HMCN2: variants seen among roughly 807,000 people sequenced by gnomAD.
HMCN2 encodes the protein hemicentin-2.
Under a neutral mutation model 377.5 loss-of-function variants are expected in HMCN2, and 325 were observed. The ratio of observed to expected loss-of-function variants is 0.86; its 90% CI spans 0.79 to 0.94. HMCN2 has a LOEUF of 0.94. Ranked by LOEUF, HMCN2 falls within the 40% of genes least tolerant of loss-of-function variation. The pLI, the probability that HMCN2 is intolerant of heterozygous loss-of-function variation, is 0.00. For synonymous variants in HMCN2, 2,007 were observed against 2,046.8 expected (o/e 0.98, Z 0.53); for missense variants, 4,543 against 4,725.3 (o/e 0.96, Z 1.13).
chr9:130,304,653 G>A lies in HMCN2; in HGVS notation c.1544-77G>A. The A allele has an allele frequency of 7.5e-6, 3 of 400,980 alleles. No homozygotes were observed. Among genetic ancestry groups the A allele is most frequent in the Non-Finnish European group, 1.6e-5 (3 of 191,822 alleles). The allele number at this position is 400,980 out of a possible 1,614,324, so 24.8% of individuals were successfully genotyped here. A position where few individuals can be genotyped will look rare whatever the true frequency, so the allele number is the denominator to read the frequency against. ...GCCTGCACCTCAGGGTGGGGTTCTG[G>A]GCAGCACCAGGGCTTGCACGATGAC... is the stretch of plus-strand genomic sequence containing the variant. On this transcript the variant is annotated intron_variant, in intron 10 of 97. Coordinates refer to ENST00000683500, the MANE Select transcript of HMCN2 (RefSeq NM_001291815.2). This position sits in a 1 kb window ranked among gnomAD's most constrained non-coding sequence, Gnocchi z 4.3.
At chr9:130,273,902 T>TAA (rs142064188) in intron 1 of HMCN2, among the ~76,000 whole-genome samples, 205 of 150,930 alleles carry the variant, frequency 1.4e-3, no homozygotes, top group African/African-American at 4.8e-3. Flanking sequence ...CTAATTTTAC[T>TAA]AAAAAAAAAT....
At chr9:130,420,286 G>C (rs1454251110) in intron 86 of HMCN2, among the ~76,000 whole-genome samples, 1 of 151,894 alleles carries the variant, frequency 6.6e-6, no homozygotes, top group Non-Finnish European at 1.5e-5. Flanking sequence ...GCGTTAGCCA[G>C]GATGGTGTCT....
chr9:130,268,156 C>T (rs1453747925), intron 1 of HMCN2, among the ~76,000 whole-genome samples: 2 of 152,078 alleles, frequency 1.3e-5, no homozygotes, highest in East Asian at 3.9e-4. Context: ...GTCCTGAAGC[C>T]CAGACCAGGG....
Position 130,431,347 on chromosome 9 carries a change from CA to C in HMCN2, c.14648-19del. On this transcript the variant is annotated intron_variant, in intron 95 of 97. Coordinates refer to ENST00000683500, the MANE Select transcript of HMCN2 (RefSeq NM_001291815.2). ...CTCTGCCCCCATCCCCCACCTGCCCCACCCCCATGCCCGGGCCAGACCTTGA... is the reference window on the plus strand; with the variant it reads ...CTCTGCCCCCATCCCCCACCTGCCCCCCCCCATGCCCGGGCCAGACCTTGA... 6.5e-7 allele frequency: 1 copy of C among 1,547,432 alleles called. No individual in the cohort carries two copies. Among genetic ancestry groups the C allele is most frequent in the Non-Finnish European group, 8.7e-7 (1 of 1,145,616 alleles).
In HMCN2 at chr9:130,433,839, T is replaced by G; in HGVS notation, c.*146T>G. The G allele has an allele frequency of 1.5e-6, 1 of 681,624 alleles. No individual in the cohort carries two copies. The highest frequency in any genetic ancestry group is 2.3e-6 in the Non-Finnish European group (1 of 442,552). The allele number at this position is 681,624 out of a possible 1,614,324, so 42.2% of individuals were successfully genotyped here. On this transcript the variant is annotated 3_prime_UTR_variant, in exon 98 of 98. Transcript: ENST00000683500. ...GCGAGACCTTGGGTCAACACGACCC[T>G]GCGCACAGCCTTGACCCCCGACAGC...
chr9:130,426,111 C>T (rs753082038), intron 90 of HMCN2, among the ~76,000 whole-genome samples, 187 bp downstream of exon 90: 1 of 152,186 alleles, frequency 6.6e-6, no homozygotes, highest in Non-Finnish European at 1.5e-5. Context: ...ATCCACCCCC[C>T]ACTCCTCACA....
chr9:130,300,563 A>G (rs954381776), intron 8 of HMCN2, among the ~76,000 whole-genome samples: 3 of 152,262 alleles, frequency 2.0e-5, no homozygotes, highest in African/African-American at 7.2e-5. Context: ...CCCAGCTCAC[A>G]GGGCTGCCGT....
Position 130,324,445 on chromosome 9 carries a change from C to G in HMCN2, c.2921-1150C>G, listed in dbSNP as rs1268408835. ...AGAGATTTCCCACATAACCCTGGCTCCCGCCACGCGCAGCCTTCTTCACTG... is the reference window on the plus strand; with the variant it reads ...AGAGATTTCCCACATAACCCTGGCTGCCGCCACGCGCAGCCTTCTTCACTG... On this transcript the variant is annotated intron_variant, in intron 19 of 97. Coordinates refer to ENST00000683500, the MANE Select transcript of HMCN2 (RefSeq NM_001291815.2). Among the ~76,000 whole-genome samples the G allele has an allele frequency of 2.6e-5, 4 of 152,204 alleles. No individual in the cohort carries two copies. In the East Asian group the frequency reaches 7.7e-4, roughly 29 times the overall value.
intron 90 of HMCN2, among the ~76,000 whole-genome samples, chr9:130,426,760 AT>A (rs71387349): frequency 0.04 from 5,698 of 143,424 alleles, 186 homozygotes; most frequent in African/African-American, 0.09. Flanking sequence ...ATTTTTTGTG[AT>A]TTTTTTTTTT....
At chr9:130,409,357 C>A (rs1002898908) in intron 84 of HMCN2, among the ~76,000 whole-genome samples, 4 of 152,176 alleles carry the variant, frequency 2.6e-5, no homozygotes, top group African/African-American at 4.8e-5. Context: ...GAGGCAGCGC[C>A]CCCACCCCCA....
rs1445367385 is a variant in HMCN2 at position 130,422,778 on chromosome 9, C to T, written c.13381+52C>T. ...CCTCTGGGTTATTGTCACAGCCCAGCGAGCATCCTCCAGAACATGCTGGAC... is the reference window on the plus strand; with the variant it reads ...CCTCTGGGTTATTGTCACAGCCCAGTGAGCATCCTCCAGAACATGCTGGAC... On this transcript the variant is annotated intron_variant, in intron 87 of 97. Transcript: ENST00000683500. The surrounding 1 kb of genome is among the most constrained non-coding windows in gnomAD (Gnocchi z 4.2). 2.4e-6 allele frequency: 3 copies of T among 1,240,206 alleles called. No homozygotes were observed. The highest frequency in any genetic ancestry group is 1.6e-5 in the African/African-American group (1 of 64,438). The allele number at this position is 1,240,206 out of a possible 1,614,324, so 76.8% of individuals were successfully genotyped here. A position where few individuals can be genotyped will look rare whatever the true frequency, so the allele number is the denominator to read the frequency against.
chr9:130,391,218 C>G lies in HMCN2; in HGVS notation c.9682C>G (p.Arg3228Gly), dbSNP rs1037089515. The G allele has an allele frequency of 1.0e-6, 1 of 987,774 alleles. No individual in the cohort carries two copies. Among genetic ancestry groups the G allele is most frequent in the Non-Finnish European group, 1.2e-6 (1 of 830,236 alleles). 61.2% of individuals were successfully genotyped at this position (987,774 alleles called of 1,614,324 possible). Residue 3228 changes from arginine to glycine, a missense_variant, in exon 64 of 98, where the codon CGG becomes GGG. Around this residue, in one of 5 missense-constraint regions of HMCN2, gnomAD observed 736 missense variants for 773.2 expected, o/e 0.95. Coordinates refer to ENST00000683500, the MANE Select transcript of HMCN2 (RefSeq NM_001291815.2). ...VVAVLVAPRI[R>G]SSGVAREHHV... The stretch of plus-strand genomic sequence containing the variant: ...CCCTGCCTCAGTGGCCCCCCGGATC[C>G]GGAGCTCGGGCGTGGCGCGGGAGCA...
intron 51 of HMCN2, among the ~76,000 whole-genome samples, chr9:130,376,310 C>T (rs1376295700): frequency 6.6e-6 from 1 of 152,206 alleles, no homozygotes; most frequent in Admixed American, 6.5e-5. Context: ...CCCAGAAATT[C>T]CCTTGCCTCA....
rs1394511582 is a variant in HMCN2, at chr9:130,414,639, T to G, written c.12961+3987T>G. ...TTTTTTTTTTTTTTTTAAGACAAGG[T>G]CTGACTCTGTTGCCCAGGCTGGAGT... On this transcript the variant is annotated intron_variant, in intron 85 of 97. Transcript: ENST00000683500. The surrounding 1 kb of genome is among the most constrained non-coding windows in gnomAD (Gnocchi z 4.4). Among the ~76,000 whole-genome samples the G allele has an allele frequency of 6.7e-6, 1 of 148,674 alleles. No homozygotes were observed. Among genetic ancestry groups the G allele is most frequent in the Non-Finnish European group, 1.5e-5 (1 of 67,304 alleles).
intron 59 of HMCN2, 103 bp downstream of exon 59, chr9:130,384,901 CAG>C (rs1841933423): frequency 4.0e-6 from 3 of 751,932 alleles, no homozygotes; most frequent in Non-Finnish European, 5.9e-6. Flanking sequence ...CCAGGAGGCA[CAG>C]GGGGAGGCTG....
rs1293431885 is a variant in HMCN2 at position 130,409,871 on chromosome 9, C to T, written c.12880-700C>T. Among the ~76,000 whole-genome samples the T allele has an allele frequency of 2.6e-5, 4 of 152,168 alleles. 1 individual carries two copies. Among genetic ancestry groups the T allele is most frequent in the Admixed American group, 2.6e-4 (4 of 15,278 alleles). Reference sequence around the variant, plus strand: ...CCCCCCAGTCCCTTGGGTGTGGCCCCCCAGATACCATCTTCTGGGAGTGGA... The same window carrying T: ...CCCCCCAGTCCCTTGGGTGTGGCCCTCCAGATACCATCTTCTGGGAGTGGA... On this transcript the variant is annotated intron_variant, in intron 84 of 97. Transcript: ENST00000683500.
At chr9:130,416,598 A>T (rs1160472166) in intron 85 of HMCN2, among the ~76,000 whole-genome samples, 9 of 152,150 alleles carry the variant, frequency 5.9e-5, no homozygotes, top group Admixed American at 5.2e-4. Context: ...GTTTCCAGTG[A>T]TGGGCGGTTA....
At chr9:130,364,938 G>A (rs772474767) in intron 41 of HMCN2, 49 bp downstream of exon 41, 148 of 971,132 alleles carry the variant, frequency 1.5e-4, no homozygotes, top group Admixed American at 1.8e-4. Flanking sequence ...CGGCCCAAGG[G>A]CAGGGTGGGG....
chr9:130,349,542 C>T lies in HMCN2; in HGVS notation c.4309C>T (p.Pro1437Ser), dbSNP rs1266463102. Residue 1437 changes from proline (P) to serine (S), a missense_variant, in exon 29 of 98, where the codon CCT becomes TCT. This residue lies in a region of HMCN2 where 1,032 missense variants were observed against 1,285.1 expected (regional missense o/e 0.80). Coordinates refer to ENST00000683500, the MANE Select transcript of HMCN2 (RefSeq NM_001291815.2). ...TCACGCCTTCTCACCCCCAGCCCCT[C>T]CTTCCGTGCTTGGAGCCGGGGCCGC... is the stretch of plus-strand genomic sequence containing the variant. ...RDFHLLVLTP[P>S]SVLGAGAAQE... 1 of 1,302,568 alleles carries T rather than the reference C, an allele frequency of 7.7e-7. No homozygotes were observed. Among genetic ancestry groups the T allele is most frequent in the Admixed American group, 2.3e-5 (1 of 43,522 alleles). 80.7% of individuals were successfully genotyped at this position (1,302,568 alleles called of 1,614,324 possible).
Sources: gnomAD v4.1 joint callset for allele counts (sites outside exome capture counted in the v4.1 genomes callset) on GRCh38, gnomAD v4.1.1 for gene constraint, gnomAD v4.1.1 regional missense constraint, Gnocchi (gnomAD v3.1) non-coding constraint, MANE v1.5 for transcripts, NCBI Gene and HGNC (gene_info 2026-07-23, HGNC 2026-07-21) for gene names.